INAVA: variants seen among roughly 807,000 people sequenced by gnomAD.
The protein encoded by INAVA is innate immunity activator protein.
In INAVA, 32 loss-of-function variants were observed where a neutral mutation model predicts 55.3. The observed-to-expected ratio is 0.58, with a 90% CI of 0.44 to 0.78. The LOEUF is 0.78. Among genes scored for constraint, INAVA ranks in the 30% least tolerant of loss-of-function variants. The pLI, the probability that INAVA is intolerant of heterozygous loss-of-function variation, is 0.00. For synonymous variants in INAVA, 294 were observed against 329.4 expected (o/e 0.89, Z 1.16); for missense variants, 756 against 786.4 (o/e 0.96, Z 0.46).
chr1:200,896,193 T>C (rs1668347664), intron 1 of INAVA, among the ~76,000 whole-genome samples: 1 of 152,192 alleles, frequency 6.6e-6, no homozygotes, highest in African/African-American at 2.4e-5. Context: ...TAGTGGTTAA[T>C]AATTAATTAG....
chr1:200,895,174 C>G (rs898148234), intron 1 of INAVA, 87 bp downstream of exon 1: 23 of 948,942 alleles, frequency 2.4e-5, no homozygotes, highest in African/African-American at 3.5e-5. Flanking sequence ...GCCATCACCC[C>G]CCTCCGACCC....
chr1:200,901,129 C>T lies in INAVA; in HGVS notation c.490C>T (p.Pro164Ser), dbSNP rs952437333. The T allele has an allele frequency of 4.2e-5, 64 of 1,525,912 alleles. No individual in the cohort carries two copies. Among genetic ancestry groups the T allele is most frequent in the Non-Finnish European group, 5.3e-5 (61 of 1,140,204 alleles). 94.5% of individuals were successfully genotyped at this position (1,525,912 alleles called of 1,614,324 possible). A position where few individuals can be genotyped will look rare whatever the true frequency, so the allele number is the denominator to read the frequency against. The change falls in exon 5 of 10, where the codon CCT (proline) becomes TCT (serine). Residue 164 changes from proline to serine, a missense_variant. Pro to Ser is a moderately conservative substitution (Grantham distance 74, BLOSUM62 -1). Coordinates refer to ENST00000413687, the MANE Select transcript of INAVA (RefSeq NM_001142569.3). The part of the protein sequence containing the change: ...LVERRRNSEP[P>S]PAAALPLGRE... Reference sequence around the variant, plus strand: ...CGAGCGGCGGCGCAATAGCGAGCCACCTCCGGCTGCTGCTCTCCCCCTGGG... The same window carrying T: ...CGAGCGGCGGCGCAATAGCGAGCCATCTCCGGCTGCTGCTCTCCCCCTGGG...
rs1653622971 is a variant in INAVA, at chr1:200,909,335, C to T, written c.897C>T (p.Gly299=). Residue 299 remains glycine, a synonymous_variant, in exon 8 of 10, where the codon GGC becomes GGT. Coordinates refer to ENST00000413687, the MANE Select transcript of INAVA (RefSeq NM_001142569.3). ...GTGGTGTTCCTGGCCAGTGGCAGGG[C>T]CGCACCAGTGCCCCAGCCACCCCTG... The part of the protein sequence containing the change: ...PIRGVPGQWQ[G]RTSAPATPEI... 1 of 1,610,864 alleles carries T rather than the reference C, an allele frequency of 6.2e-7. No homozygotes were observed. The highest frequency in any genetic ancestry group is 1.3e-5 in the African/African-American group (1 of 75,004).
chr1:200,900,253 C>T (rs534701377), intron 4 of INAVA, 33 bp downstream of exon 4: 9 of 1,580,200 alleles, frequency 5.7e-6, no homozygotes, highest in East Asian at 4.5e-5. Flanking sequence ...CAGTACCCCT[C>T]GATCCCCAAA....
At chr1:200,897,358 T>C (rs1353260720) in intron 1 of INAVA, among the ~76,000 whole-genome samples, 1 of 152,054 alleles carries the variant, frequency 6.6e-6, no homozygotes, top group East Asian at 1.9e-4. Flanking sequence ...CTCCCAGGAG[T>C]AATTGATGGC....
At chr1:200,893,165 A>T (rs1668270247), upstream of INAVA, among the ~76,000 whole-genome samples, 1 of 152,248 alleles carries the variant, frequency 6.6e-6, no homozygotes, top group African/African-American at 2.4e-5. Flanking sequence ...AATAGAATTC[A>T]TAGTTTCATA....
At chr1:200,904,725 T>TC (rs1323842061) in intron 5 of INAVA, among the ~76,000 whole-genome samples, 1 of 111,224 alleles carries the variant, frequency 9.0e-6, no homozygotes, top group East Asian at 2.5e-4. Context: ...ACCTGAATCT[T>TC]TTTTTTTTTT....
At chr1:200,907,997 G>A (rs1290792157) in intron 6 of INAVA, 110 bp downstream of exon 6, 5 of 851,056 alleles carry the variant, frequency 5.9e-6, no homozygotes, top group African/African-American at 1.6e-5. Context: ...AGGCTAGGGT[G>A]CCAGGCTTAG....
rs1310945264 is a variant in INAVA, at chr1:200,908,946, G to A, written c.785+6G>A. 11 of 1,610,948 alleles carry A rather than the reference G, an allele frequency of 6.8e-6. No individual in the cohort carries two copies. Among genetic ancestry groups the A allele is most frequent in the African/African-American group, 2.7e-5 (2 of 74,800 alleles). ...GAGCCCTGGAGCGAGTCCAGGTCAG[G>A]ATCAGGGGGAAGGGAGAAGGGCAGG... is the stretch of plus-strand genomic sequence containing the variant. On this transcript the variant is annotated splice_donor_region_variant and intron_variant, in intron 7 of 9. Coordinates refer to ENST00000413687, the MANE Select transcript of INAVA (RefSeq NM_001142569.3).
chr1:200,903,446 G>GCA (rs1469846405), intron 5 of INAVA, among the ~76,000 whole-genome samples: 4 of 151,782 alleles, frequency 2.6e-5, no homozygotes, highest in Non-Finnish European at 5.9e-5. Context: ...CCGAGATCGT[G>GCA]CCACTGCACT....
intron 5 of INAVA, among the ~76,000 whole-genome samples, chr1:200,902,684 G>T (rs761414363): frequency 3.3e-5 from 5 of 152,386 alleles, no homozygotes; most frequent in East Asian, 1.9e-4. Context: ...CTCTGTGCCT[G>T]CAGGGAGAGG....
At chr1:200,899,267 T>A (rs1458718143) in intron 2 of INAVA, among the ~76,000 whole-genome samples, 1 of 151,982 alleles carries the variant, frequency 6.6e-6, no homozygotes, top group Admixed American at 6.5e-5. Flanking sequence ...CCCTTCTGAG[T>A]TGTAACATTT....
intron 6 of INAVA, chr1:200,908,422 A>C (rs899178998): frequency 2.5e-5 from 7 of 275,778 alleles, no homozygotes; most frequent in Non-Finnish European, 4.0e-5. Context: ...AAAATAGGTA[A>C]ACAAAAGATA....
chr1:200,906,490 G>A (rs1177459436), intron 5 of INAVA: 1 of 139,230 alleles, frequency 7.2e-6, no homozygotes, highest in African/African-American at 2.7e-5. Flanking sequence ...CTGCTCTCCA[G>A]CCTGGGTAAG....
chr1:200,911,126 TAG>T (rs1653700038), intron 8 of INAVA, among the ~76,000 whole-genome samples: 1 of 24,534 alleles, frequency 4.1e-5, no homozygotes, highest in African/African-American at 2.8e-4. Context: ...GTACTTAATG[TAG>T]TACTTTAAAA....
upstream of INAVA, chr1:200,891,743 G>T (rs1668243381): frequency 1.4e-6 from 2 of 1,392,762 alleles, no homozygotes; most frequent in Admixed American, 6.3e-5. Flanking sequence ...GGGTGAACTG[G>T]GGCGGGGGAT....
chr1:200,911,880 G>C lies in INAVA; in HGVS notation c.1387G>C (p.Glu463Gln). ...CGCAGCCCCGGGCCCTGCTTACGAG[G>C]AGGAGGGCACTCCCCTGCGCTACCA... ...RRAAPGPAYE[E>Q]EGTPLRYQRL... Residue 463 changes from glutamate to glutamine, a missense_variant, in exon 9 of 10, where the codon GAG becomes CAG. Physicochemically the swap from Glu to Gln is conservative, Grantham distance 29. This residue lies in a region of INAVA where 639 missense variants were observed against 624.3 expected (regional missense o/e 1.02). Coordinates refer to ENST00000413687, the MANE Select transcript of INAVA (RefSeq NM_001142569.3). The C allele has an allele frequency of 1.9e-6, 3 of 1,588,044 alleles. No individual in the cohort carries two copies. Among genetic ancestry groups the C allele is most frequent in the Non-Finnish European group, 2.6e-6 (3 of 1,174,210 alleles).
At chr1:200,911,276 C>G (rs1374007931) in intron 8 of INAVA, among the ~76,000 whole-genome samples, 177 bp from the exon 9 acceptor site, 1 of 152,126 alleles carries the variant, frequency 6.6e-6, no homozygotes, top group Non-Finnish European at 1.5e-5. Flanking sequence ...ACCCACGCAG[C>G]CCGGCAGAGG....
chr1:200,900,876 C>A, intron 4 of INAVA, 61 bp from the exon 5 acceptor site: 1 of 1,341,358 alleles, frequency 7.5e-7, no homozygotes, highest in African/African-American at 1.5e-5. Context: ...GGCTGCTGTC[C>A]ACCCTCTGGG....
Sources: gnomAD v4.1 joint callset for allele counts (sites outside exome capture counted in the v4.1 genomes callset) on GRCh38, gnomAD v4.1.1 for gene constraint, gnomAD v4.1.1 regional missense constraint, MANE v1.5 for transcripts, NCBI Gene and HGNC (gene_info 2026-07-23, HGNC 2026-07-21) for gene names.